The following WDFY3 variants were observed in gnomAD, a reference collection of about 807,000 sequenced individuals.
The protein encoded by WDFY3 is WD repeat and FYVE domain-containing protein 3.
WDFY3 carries 66 observed loss-of-function variants against 409.6 expected under a neutral mutation model. The ratio of observed to expected loss-of-function variants is 0.16; its 90% CI spans 0.13 to 0.20. WDFY3 has a LOEUF of 0.20. Among genes scored for constraint, WDFY3 ranks in the 10% least tolerant of loss-of-function variants. The pLI, the probability that WDFY3 is intolerant of heterozygous loss-of-function variation, is 1.00. For missense variants in WDFY3, 3,031 were observed against 4,298.1 expected (o/e 0.71, Z 8.24); for synonymous variants, 1,521 against 1,537.1 (o/e 0.99, Z 0.25).
chr4:84,762,069 T>A (rs1196803340), intron 32 of WDFY3, among the ~76,000 whole-genome samples: 1 of 152,114 alleles, frequency 6.6e-6, no homozygotes. Flanking sequence ...TCCTCAGGGA[T>A]CTAGAACTAG....
chr4:84,859,854 C>G (rs1371803833), intron 4 of WDFY3, among the ~76,000 whole-genome samples: 1 of 152,118 alleles, frequency 6.6e-6, no homozygotes, highest in East Asian at 1.9e-4. Flanking sequence ...GGATTACAGG[C>G]GTGAGCCACC....
intron 4 of WDFY3, among the ~76,000 whole-genome samples, chr4:84,853,144 G>A (rs1236712720): frequency 6.6e-6 from 1 of 152,054 alleles, no homozygotes; most frequent in African/African-American, 2.4e-5. Flanking sequence ...CATTCCACCT[G>A]TGCTCAGAGA....
intron 19 of WDFY3, among the ~76,000 whole-genome samples, chr4:84,795,582 C>T (rs1172750530): frequency 1.1e-4 from 17 of 151,986 alleles, no homozygotes; most frequent in African/African-American, 3.1e-4. Flanking sequence ...GCCACTATGG[C>T]GAAACCCCAT....
At chr4:84,721,992 A>G (rs1263334335) in intron 46 of WDFY3, among the ~76,000 whole-genome samples, 2 of 152,212 alleles carry the variant, frequency 1.3e-5, no homozygotes, top group African/African-American at 4.8e-5. Context: ...TGATAACAGA[A>G]AGCTATAATA....
At chr4:84,871,926 G>A (rs931904643) in intron 3 of WDFY3, among the ~76,000 whole-genome samples, 2 of 152,178 alleles carry the variant, frequency 1.3e-5, no homozygotes, top group African/African-American at 4.8e-5. Flanking sequence ...GAGCCATCAT[G>A]CCTAGCTTTT....
intron 32 of WDFY3, among the ~76,000 whole-genome samples, chr4:84,760,051 A>G (rs1444124139): frequency 2.6e-5 from 4 of 151,700 alleles, no homozygotes; most frequent in Non-Finnish European, 5.9e-5. Context: ...TTCTGCATCT[A>G]TTGAGATAAT....
chr4:84,718,654 C>A (rs1734355809), intron 47 of WDFY3, 84 bp from the exon 48 acceptor site: 1 of 1,458,902 alleles, frequency 6.9e-7, no homozygotes, highest in South Asian at 1.4e-5. Context: ...ATCCCTAGAG[C>A]TAAGCATATT....
intron 44 of WDFY3, among the ~76,000 whole-genome samples, chr4:84,731,931 CAAT>C (rs1483166697): frequency 6.6e-6 from 1 of 152,024 alleles, no homozygotes; most frequent in East Asian, 1.9e-4. Context: ...AGAAGTGACT[CAAT>C]AAGAAATATT....
In WDFY3 at chr4:84,774,949, T is replaced by C; in HGVS notation, c.4625A>G (p.Glu1542Gly). The C allele has an allele frequency of 1.2e-6, 2 of 1,613,918 alleles. No homozygotes were observed. The highest frequency in any genetic ancestry group is 2.2e-5 in the South Asian group (2 of 91,070). ...EASKNAKLMR[E>G]FQLIPKLLLT... ...GAGCAGCTTTGGGATTAACTGGAAT[T>C]CTCTCATTAATTTGGCATTCTTTGA... is the stretch of plus-strand genomic sequence containing the variant. The change falls in exon 29 of 68, where the codon GAA becomes GGA. Residue 1542 changes from glutamate to glycine, a missense_variant. This residue lies in a region of WDFY3 where 342 missense variants were observed against 463.7 expected (regional missense o/e 0.74). Transcript: ENST00000295888.
chr4:84,932,244 A>C (rs535300746), intron 2 of WDFY3, 26 bp downstream of exon 2: 3 of 152,128 alleles, frequency 2.0e-5, no homozygotes, highest in Non-Finnish European at 4.4e-5. Flanking sequence ...CTCCTTTTTC[A>C]ACAAAAAAAA....
intron 1 of WDFY3, among the ~76,000 whole-genome samples, chr4:84,943,819 AG>A (rs1431288627): frequency 6.6e-6 from 1 of 152,234 alleles, no homozygotes; most frequent in Non-Finnish European, 1.5e-5. Context: ...CTGGAAAATA[AG>A]TCTTTACACT....
chr4:84,694,495 A>C (rs1729783437), intron 58 of WDFY3, among the ~76,000 whole-genome samples: 1 of 152,242 alleles, frequency 6.6e-6, no homozygotes, highest in Non-Finnish European at 1.5e-5. Context: ...CTTGATTTTT[A>C]TGTTCAGAAT....
chr4:84,849,655 G>C (rs1237138198), intron 5 of WDFY3: 1 of 288,310 alleles, frequency 3.5e-6, no homozygotes, highest in Admixed American at 5.3e-5. Flanking sequence ...AAGGGAAACA[G>C]AGTATTTTAA....
chr4:84,678,906 G>A lies in WDFY3; in HGVS notation c.10147+13C>T. ...TATAAGGAGTGAGAAATAGATACCA[G>A]ACTTCAAGTTACCAGGTTTCAATCT... On this transcript the variant is annotated intron_variant, in intron 65 of 67. Transcript: ENST00000295888. The A allele has an allele frequency of 1.2e-6, 2 of 1,603,716 alleles. No homozygotes were observed. Among genetic ancestry groups the A allele is most frequent in the Non-Finnish European group, 1.7e-6 (2 of 1,174,330 alleles).
At chr4:84,739,286 A>T (rs1253755843) in intron 39 of WDFY3, 167 bp from the exon 40 acceptor site, 4 of 597,420 alleles carry the variant, frequency 6.7e-6, no homozygotes, top group Non-Finnish European at 8.8e-6. Context: ...TTAAGAGGTG[A>T]TCAAATAAAT....
At chr4:84,946,404 T>C (rs1416541427) in intron 1 of WDFY3, among the ~76,000 whole-genome samples, 1 of 152,148 alleles carries the variant, frequency 6.6e-6, no homozygotes, top group Non-Finnish European at 1.5e-5. Flanking sequence ...GAGTTAAATT[T>C]AGGTTGTAAA....
chr4:84,770,153 T>C (rs939895828), intron 30 of WDFY3, among the ~76,000 whole-genome samples: 2 of 151,874 alleles, frequency 1.3e-5, no homozygotes, highest in African/African-American at 4.8e-5. Context: ...CTCAGCCTCC[T>C]GAGTAGCTGG....
chr4:84,880,848 G>T (rs1763439296), intron 3 of WDFY3, among the ~76,000 whole-genome samples: 2 of 149,514 alleles, frequency 1.3e-5, no homozygotes, highest in African/African-American at 4.9e-5. Flanking sequence ...CTCTCGAGTG[G>T]CTGGGATTAC....
chr4:84,853,952 A>G (rs927438008), intron 4 of WDFY3, among the ~76,000 whole-genome samples: 1 of 152,236 alleles, frequency 6.6e-6, no homozygotes, highest in Admixed American at 6.5e-5. Context: ...TAAAACAAAT[A>G]TGATTCCTGT....
Sources: allele counts gnomAD v4.1 joint callset (sites outside exome capture counted in the v4.1 genomes callset), GRCh38; gene constraint gnomAD v4.1.1; regional missense constraint gnomAD v4.1.1; transcripts MANE v1.5; gene names NCBI Gene and HGNC (gene_info 2026-07-23, HGNC 2026-07-21).